The following KIF26B variants were observed in gnomAD, a reference collection of about 807,000 sequenced individuals.
KIF26B encodes kinesin family member 26B, also known as kinesin-like protein KIF26B.
Under a neutral mutation model 151.2 loss-of-function variants are expected in KIF26B, and 63 were observed. That is an observed-to-expected ratio of 0.42 (90% confidence interval 0.34 to 0.51). The LOEUF is 0.51. Among genes scored for constraint, KIF26B ranks in the 20% least tolerant of loss-of-function variants. The pLI, the probability that KIF26B is intolerant of heterozygous loss-of-function variation, is 0.07. For synonymous variants in KIF26B, 1,357 were observed against 1,262.1 expected (o/e 1.08, Z -1.59); for missense variants, 2,813 against 2,913.6 (o/e 0.97, Z 0.79).
intron 2 of KIF26B, among the ~76,000 whole-genome samples, chr1:245,268,571 A>G (rs530157684): frequency 1.3e-5 from 2 of 151,540 alleles, no homozygotes; most frequent in African/African-American, 2.4e-5. Flanking sequence ...AGTTAGCAGC[A>G]TGGCCCTGAG....
At chr1:245,576,449 C>T (rs1293995471) in intron 5 of KIF26B, among the ~76,000 whole-genome samples, 1 of 152,186 alleles carries the variant, frequency 6.6e-6, no homozygotes, top group Non-Finnish European at 1.5e-5. Flanking sequence ...TGCTGAGACC[C>T]TCCAAGAAGA....
intron 10 of KIF26B, among the ~76,000 whole-genome samples, chr1:245,662,146 CAT>C (rs919125226): frequency 2.0e-5 from 3 of 149,594 alleles, no homozygotes; most frequent in Non-Finnish European, 4.5e-5. Context: ...ACACACACCC[CAT>C]ATATATATAC....
intron 4 of KIF26B, among the ~76,000 whole-genome samples, chr1:245,506,233 A>G (rs1430786839): frequency 6.6e-6 from 1 of 152,164 alleles, no homozygotes; most frequent in African/African-American, 2.4e-5. Context: ...TTTGTCACAG[A>G]CACTCCTGTG....
intron 2 of KIF26B, among the ~76,000 whole-genome samples, chr1:245,257,416 TTTG>T (rs2103568237): frequency 6.6e-6 from 1 of 152,292 alleles, no homozygotes; most frequent in Non-Finnish European, 1.5e-5. Flanking sequence ...TTTGACTCCT[TTTG>T]TTTACATGGG....
intron 2 of KIF26B, among the ~76,000 whole-genome samples, chr1:245,186,512 G>A (rs961184992): frequency 2.0e-5 from 3 of 152,180 alleles, no homozygotes; most frequent in Admixed American, 6.5e-5. Flanking sequence ...GAATTCTGTC[G>A]ACAGTAGCTG....
intron 4 of KIF26B, among the ~76,000 whole-genome samples, chr1:245,431,970 T>A (rs535251555): frequency 1.3e-5 from 2 of 152,208 alleles, no homozygotes; most frequent in South Asian, 4.2e-4. Flanking sequence ...GCTTTTCCTC[T>A]AAAAGTGCCA....
chr1:245,288,614 G>A (rs1671205301), intron 2 of KIF26B, among the ~76,000 whole-genome samples: 2 of 152,226 alleles, frequency 1.3e-5, no homozygotes, highest in South Asian at 4.1e-4. Flanking sequence ...CGGAGAGACA[G>A]CATCACAGAA....
At chr1:245,199,230 C>T (rs1274474241) in intron 2 of KIF26B, among the ~76,000 whole-genome samples, 1 of 152,054 alleles carries the variant, frequency 6.6e-6, no homozygotes, top group Non-Finnish European at 1.5e-5. Context: ...TCTAAATGTC[C>T]TTACACTTGT....
Position 245,166,776 on chromosome 1 carries a change from G to A in KIF26B, c.465+10093G>A, listed in dbSNP as rs566352737. ...CACATCGATTCCAACCAGACCCCAT[G>A]GGAAGTCTGGGAATAAAGAAGTCAC... On this transcript the variant is annotated intron_variant, in intron 2 of 14. Transcript: ENST00000407071. This position sits in a 1 kb window ranked among gnomAD's most constrained non-coding sequence, Gnocchi z 4.5. 6.6e-6 allele frequency among the ~76,000 whole-genome samples: 1 copy of A among 152,238 alleles called. No homozygotes were observed. Among genetic ancestry groups the A allele is most frequent in the African/African-American group, 2.4e-5 (1 of 41,540 alleles).
At chr1:245,331,577 C>T (rs935911165) in intron 2 of KIF26B, among the ~76,000 whole-genome samples, 6 of 152,052 alleles carry the variant, frequency 3.9e-5, no homozygotes, top group Non-Finnish European at 5.9e-5. Flanking sequence ...TTCCAGGGAG[C>T]GTGGGACTGT....
At chr1:245,207,787 C>A (rs772233064) in intron 2 of KIF26B, among the ~76,000 whole-genome samples, 3 of 152,188 alleles carry the variant, frequency 2.0e-5, no homozygotes, top group East Asian at 1.9e-4. Flanking sequence ...ACGTACACAT[C>A]GTTTTTCACA....
In KIF26B at chr1:245,601,773, G is replaced by A. The variant is rs1355438651; in HGVS notation, c.1351-804G>A. ...TCCCAGGACTGTAGCTTCCAGACCC[G>A]TGTGAGGCCTCAGCCTGATTTCTGT... is the stretch of plus-strand genomic sequence containing the variant. On this transcript the variant is annotated intron_variant, in intron 5 of 14. Transcript: ENST00000407071. This position sits in a 1 kb window ranked among gnomAD's most constrained non-coding sequence, Gnocchi z 4.4. Among the ~76,000 whole-genome samples the A allele has an allele frequency of 2.6e-5, 4 of 152,158 alleles. No individual in the cohort carries two copies. The highest frequency in any genetic ancestry group is 6.5e-5 in the Admixed American group (1 of 15,274).
At chr1:245,482,211 C>G (rs1240704495) in intron 4 of KIF26B, among the ~76,000 whole-genome samples, 2 of 151,814 alleles carry the variant, frequency 1.3e-5, no homozygotes, top group Admixed American at 6.6e-5. Flanking sequence ...CCTGCCTCAG[C>G]CTTCCTAGTA....
rs137946947 is a variant in KIF26B, at chr1:245,601,902, A to G, written c.1351-675A>G. Among the ~76,000 whole-genome samples, 105 of 152,310 alleles carry G rather than the reference A, an allele frequency of 6.9e-4. 3 individuals carry two copies. Among genetic ancestry groups the G allele is most frequent in the African/African-American group, 1.9e-3 (78 of 41,564 alleles). ...GGGTACCAGAGGTGCTCAGTGTTCA[A>G]TCACGCAGAAAGTGGGCTAAAGGGC... On this transcript the variant is annotated intron_variant, in intron 5 of 14. Coordinates refer to ENST00000407071, the MANE Select transcript of KIF26B (RefSeq NM_018012.4). This position sits in a 1 kb window ranked among gnomAD's most constrained non-coding sequence, Gnocchi z 4.4.
intron 5 of KIF26B, among the ~76,000 whole-genome samples, chr1:245,599,299 C>A (rs760033735): frequency 6.6e-6 from 1 of 152,274 alleles, no homozygotes. Context: ...TTTATTTAGA[C>A]GCATTGCAAA....
intron 2 of KIF26B, among the ~76,000 whole-genome samples, chr1:245,357,917 T>A (rs1486899135): frequency 6.6e-6 from 1 of 152,182 alleles, no homozygotes; most frequent in Non-Finnish European, 1.5e-5. Context: ...AAATTCCATC[T>A]TTTTTCTTTT....
chr1:245,593,876 A>G (rs1243716033), intron 5 of KIF26B, among the ~76,000 whole-genome samples: 1 of 152,222 alleles, frequency 6.6e-6, no homozygotes, highest in African/African-American at 2.4e-5. Context: ...AACTGGTGTG[A>G]GATGGTATCT....
At chr1:245,168,741 C>T (rs1372647387) in intron 2 of KIF26B, among the ~76,000 whole-genome samples, 1 of 152,094 alleles carries the variant, frequency 6.6e-6, no homozygotes, top group Non-Finnish European at 1.5e-5. Flanking sequence ...CTAGACAGAG[C>T]CATATTGATT....
chr1:245,367,524 C>T lies in KIF26B; in HGVS notation c.999+157C>T, dbSNP rs1343493922. ...ACAGAGTTCTCATCAAGGTGCCCCA[C>T]CCGGGCCTGCCTGCTTTGAGAGGGT... On this transcript the variant is annotated intron_variant, in intron 3 of 14. Coordinates refer to ENST00000407071, the MANE Select transcript of KIF26B (RefSeq NM_018012.4). This position sits in a 1 kb window ranked among gnomAD's most constrained non-coding sequence, Gnocchi z 4.2. Among the ~76,000 whole-genome samples, 1 of 152,254 alleles carries T rather than the reference C, an allele frequency of 6.6e-6. No homozygotes were observed. The highest frequency in any genetic ancestry group is 1.5e-5 in the Non-Finnish European group (1 of 68,042).
Sources: allele counts gnomAD v4.1 joint callset (sites outside exome capture counted in the v4.1 genomes callset), GRCh38; gene constraint gnomAD v4.1.1; non-coding constraint Gnocchi (gnomAD v3.1); transcripts MANE v1.5; gene names NCBI Gene and HGNC (gene_info 2026-07-23, HGNC 2026-07-21).